The following ATF6 variants were observed in gnomAD, a reference collection of about 807,000 sequenced individuals.
ATF6 encodes the protein activating transcription factor 6.
Under a neutral mutation model 83.6 loss-of-function variants are expected in ATF6, and 53 were observed. The observed-to-expected ratio is 0.63, with a 90% CI of 0.51 to 0.80. The LOEUF (loss-of-function observed/expected upper bound fraction) is 0.80, where lower values mean the gene tolerates loss of function less well. Ranked by LOEUF, ATF6 falls within the 30% of genes least tolerant of loss-of-function variation. The pLI is 0.00. For synonymous variants in ATF6, 288 were observed against 285.8 expected (o/e 1.01, Z -0.08); for missense variants, 744 against 797.9 (o/e 0.93, Z 0.81).
intron 14 of ATF6, among the ~76,000 whole-genome samples, chr1:161,869,864 A>G (rs184921699): frequency 4.2e-4 from 64 of 151,938 alleles, no homozygotes; most frequent in Middle Eastern, 6.8e-3. Context: ...TTTCACATAC[A>G]TAATCTTAGC....
chr1:161,891,885 A>C (rs1034510370), intron 14 of ATF6: 5 of 152,204 alleles, frequency 3.3e-5, no homozygotes, highest in Non-Finnish European at 7.3e-5. Flanking sequence ...ATGGGGACAA[A>C]CCATCAAAAA....
At chr1:161,796,856 TTTTA>T (rs888841460) in intron 6 of ATF6, among the ~76,000 whole-genome samples, 6 of 152,128 alleles carry the variant, frequency 3.9e-5, no homozygotes, top group African/African-American at 1.4e-4. Flanking sequence ...TTTGGATGCC[TTTTA>T]TTTCTTTCTT....
At chr1:161,894,777 CTT>C (rs1450234290) in intron 14 of ATF6, among the ~76,000 whole-genome samples, 7 of 145,104 alleles carry the variant, frequency 4.8e-5, no homozygotes, top group African/African-American at 1.3e-4. Context: ...ACCGGGAACT[CTT>C]GACCTCGTGA....
chr1:161,952,422 C>A (rs1157690253), intron 15 of ATF6, among the ~76,000 whole-genome samples: 1 of 152,052 alleles, frequency 6.6e-6, no homozygotes, highest in Non-Finnish European at 1.5e-5. Context: ...CCCACCTCAC[C>A]CCACACTCAA....
intron 2 of ATF6, among the ~76,000 whole-genome samples, chr1:161,781,485 T>C (rs1413084432): frequency 1.3e-5 from 2 of 152,232 alleles, no homozygotes; most frequent in Non-Finnish European, 2.9e-5. Flanking sequence ...CTTGCCTGTC[T>C]TTTGGATATA....
intron 14 of ATF6, among the ~76,000 whole-genome samples, chr1:161,873,075 G>C (rs1184231672): frequency 6.6e-6 from 1 of 151,392 alleles, no homozygotes; most frequent in African/African-American, 2.4e-5. Context: ...GGAGAAAGTT[G>C]AACAGTTTTT....
chr1:161,770,536 A>G (rs1256621343), intron 1 of ATF6, among the ~76,000 whole-genome samples: 4 of 152,108 alleles, frequency 2.6e-5, no homozygotes, highest in African/African-American at 9.7e-5. Flanking sequence ...TGAGAGAGAG[A>G]ATCTTCTTCT....
rs1417035158 is a variant in ATF6, at chr1:161,863,255, CTT to C, written c.1667_1668del (p.Phe556Ter). 17 of 1,613,230 alleles carry C rather than the reference CTT, an allele frequency of 1.1e-5. No individual in the cohort carries two copies. The highest frequency in any genetic ancestry group is 1.4e-5 in the Non-Finnish European group (16 of 1,179,486). On this transcript the variant is annotated frameshift_variant, in exon 14 of 16. Coordinates refer to ENST00000367942, the MANE Select transcript of ATF6 (RefSeq NM_007348.4). LOFTEE classifies it high-confidence loss of function. ...YYASPRSYQD[F>X]FEAIRRRGDT... ...ATGCTTCACCCAGAAGTTATCAAGA[CTT>C]TTTTGAAGCCATCCGCAGAAGGGGA... is the stretch of plus-strand genomic sequence containing the variant.
At chr1:161,808,157 G>A (rs1571148750) in intron 7 of ATF6, among the ~76,000 whole-genome samples, 1 of 151,848 alleles carries the variant, frequency 6.6e-6, no homozygotes, top group Non-Finnish European at 1.5e-5. Flanking sequence ...TGGGATTATA[G>A]GCATGAGCCA....
intron 9 of ATF6, among the ~76,000 whole-genome samples, chr1:161,826,931 A>ATTTTTTT (rs11376981): frequency 7.7e-6 from 1 of 129,608 alleles, no homozygotes; most frequent in Non-Finnish European, 1.6e-5. Flanking sequence ...GATTGGCCCC[A>ATTTTTTT]TTTTTTTTTT....
chr1:161,782,726 T>G (rs1684665623), intron 3 of ATF6, among the ~76,000 whole-genome samples: 1 of 152,236 alleles, frequency 6.6e-6, no homozygotes, highest in Non-Finnish European at 1.5e-5. Flanking sequence ...ATGTATTTAC[T>G]TATACTGTTT....
intron 9 of ATF6, among the ~76,000 whole-genome samples, chr1:161,844,330 G>C (rs888102284): frequency 1.3e-5 from 2 of 152,160 alleles, no homozygotes; most frequent in African/African-American, 4.8e-5. Context: ...AAGAAAGCCT[G>C]GGGTAAGGGG....
intron 15 of ATF6, among the ~76,000 whole-genome samples, chr1:161,941,868 GTGAT>G (rs1308818703): frequency 6.6e-6 from 1 of 152,102 alleles, no homozygotes; most frequent in African/African-American, 2.4e-5. Context: ...TTTCCACTGT[GTGAT>G]AGAGATCTGC....
intron 7 of ATF6, among the ~76,000 whole-genome samples, chr1:161,807,777 T>C (rs1297349450): frequency 1.3e-5 from 2 of 151,664 alleles, no homozygotes; most frequent in African/African-American, 4.8e-5. Context: ...TTATTTTTCC[T>C]TCCTGATGCA....
intron 9 of ATF6, among the ~76,000 whole-genome samples, chr1:161,832,432 G>A (rs182605252): frequency 9.3e-4 from 142 of 152,278 alleles, no homozygotes; most frequent in African/African-American, 3.0e-3. Context: ...GCAGCGCACC[G>A]TGCATGAGCT....
intron 2 of ATF6, among the ~76,000 whole-genome samples, chr1:161,781,436 A>G (rs6669440): frequency 0.12 from 18,034 of 152,192 alleles, 1,596 homozygotes; most frequent in East Asian, 0.31. Context: ...AGTAGAAAAA[A>G]AAGAAAATTA....
At chr1:161,837,344 A>G (rs1686248681) in intron 9 of ATF6, among the ~76,000 whole-genome samples, 1 of 152,224 alleles carries the variant, frequency 6.6e-6, no homozygotes, top group Admixed American at 6.5e-5. Context: ...GTGTCATTCT[A>G]CAAATGGTTC....
At chr1:161,896,377 G>A (rs566257586) in intron 14 of ATF6, among the ~76,000 whole-genome samples, 18 of 152,284 alleles carry the variant, frequency 1.2e-4, no homozygotes, top group East Asian at 1.9e-4. Flanking sequence ...AATTACAGGC[G>A]TGAGCCACCA....
At chr1:161,893,695 C>T (rs1687608638) in intron 14 of ATF6, among the ~76,000 whole-genome samples, 1 of 152,164 alleles carries the variant, frequency 6.6e-6, no homozygotes, top group African/African-American at 2.4e-5. Context: ...GTGCTGGGAA[C>T]CCTAAATCAG....
Sources: allele counts gnomAD v4.1 joint callset (sites outside exome capture counted in the v4.1 genomes callset), GRCh38; gene constraint gnomAD v4.1.1; transcripts MANE v1.5; gene names NCBI Gene and HGNC (gene_info 2026-07-23, HGNC 2026-07-21).